The following TNNI3K variants were observed in gnomAD, a reference collection of about 807,000 sequenced individuals.
TNNI3K encodes the protein TNNI3 interacting kinase.
Under a neutral mutation model 114.5 loss-of-function variants are expected in TNNI3K, and 140 were observed. The ratio of observed to expected loss-of-function variants is 1.22; its 90% CI spans 1.07 to 1.41. TNNI3K has a LOEUF of 1.41. Among genes scored for constraint, TNNI3K ranks in the 40% most tolerant of loss-of-function variants. TNNI3K has a pLI of 0.00. For missense variants in TNNI3K, 1,125 were observed against 1,007.6 expected, an observed-to-expected ratio of 1.12 and a Z score of -1.58; for synonymous variants, 347 against 347.5, an observed-to-expected ratio of 1.00 and a Z score of 0.02.
At chr1:74,504,958 C>G (rs903198110) in intron 23 of TNNI3K, among the ~76,000 whole-genome samples, 2 of 152,158 alleles carry the variant, frequency 1.3e-5, no homozygotes, top group Admixed American at 1.3e-4. Flanking sequence ...AGGCAAACTG[C>G]TAAATAAATG....
intron 21 of TNNI3K, chr1:74,480,157 G>T: frequency 1.4e-6 from 1 of 714,708 alleles, no homozygotes; most frequent in South Asian, 1.5e-5. Flanking sequence ...GCATACCTGC[G>T]AAGCCAAGGA....
chr1:74,367,592 A>G (rs1165527043), intron 12 of TNNI3K, among the ~76,000 whole-genome samples: 1 of 151,934 alleles, frequency 6.6e-6, no homozygotes, highest in Non-Finnish European at 1.5e-5. Flanking sequence ...GATGTTTATG[A>G]GGCTTGTGCA....
At chr1:74,506,723 C>A (rs1006399927) in intron 23 of TNNI3K, among the ~76,000 whole-genome samples, 1 of 152,156 alleles carries the variant, frequency 6.6e-6, no homozygotes. Context: ...TATACAGTAA[C>A]CAATCTCTGG....
In TNNI3K at chr1:74,375,790, T is replaced by C. The variant is rs116855468; in HGVS notation, c.1772+5398T>C. The C allele has an allele frequency of 5.5e-4, 190 of 348,530 alleles. 1 individual carries two copies. In the East Asian group the frequency reaches 0.013, roughly 24 times the overall value. The allele number at this position is 348,530 out of a possible 1,614,324, so 21.6% of individuals were successfully genotyped here. A position where few individuals can be genotyped will look rare whatever the true frequency, so the allele number is the denominator to read the frequency against. The stretch of plus-strand genomic sequence containing the variant: ...TTGAGAAGACTGATTTGAGTAATAA[T>C]AACACTCTTCTCTCCTGTACAGCTG... On this transcript the variant is annotated intron_variant, in intron 17 of 24. Coordinates refer to ENST00000326637, the MANE Select transcript of TNNI3K (RefSeq NM_015978.3).
intron 4 of TNNI3K, among the ~76,000 whole-genome samples, chr1:74,257,927 A>C (rs929024848): frequency 6.6e-6 from 1 of 151,990 alleles, no homozygotes; most frequent in Non-Finnish European, 1.5e-5. Flanking sequence ...TCGTCCTCCT[A>C]AAGTGCTGGG....
At chr1:74,501,842 G>A (rs567499518) in intron 23 of TNNI3K, among the ~76,000 whole-genome samples, 1 of 152,114 alleles carries the variant, frequency 6.6e-6, no homozygotes, top group East Asian at 1.9e-4. Flanking sequence ...AAACTAGCTT[G>A]TATGTGGGCT....
At chr1:74,305,567 A>G (rs1000861305) in intron 5 of TNNI3K, among the ~76,000 whole-genome samples, 8 of 152,182 alleles carry the variant, frequency 5.3e-5, no homozygotes, top group Non-Finnish European at 1.0e-4. Context: ...GAAGGGGCAC[A>G]TGACTTTGAG....
intron 17 of TNNI3K, among the ~76,000 whole-genome samples, chr1:74,380,856 G>A (rs1218301087): frequency 1.3e-5 from 2 of 152,104 alleles, no homozygotes; most frequent in African/African-American, 4.8e-5. Flanking sequence ...TGCTTGCTGA[G>A]ATTGATTTGT....
intron 11 of TNNI3K, among the ~76,000 whole-genome samples, chr1:74,362,533 C>G (rs1381831980): frequency 6.6e-6 from 1 of 152,088 alleles, no homozygotes; most frequent in Non-Finnish European, 1.5e-5. Flanking sequence ...AATCAGCTTT[C>G]ATTGTTTTTA....
At chr1:74,252,219 A>C (rs965911164) in intron 4 of TNNI3K, among the ~76,000 whole-genome samples, 1 of 152,102 alleles carries the variant, frequency 6.6e-6, no homozygotes, top group Non-Finnish European at 1.5e-5. Flanking sequence ...TATTTCTTCA[A>C]CCTCTGTTTA....
chr1:74,451,331 C>G (rs745321222), intron 20 of TNNI3K, among the ~76,000 whole-genome samples: 1 of 152,108 alleles, frequency 6.6e-6, no homozygotes, highest in African/African-American at 2.4e-5. Context: ...ATAGGTGCAG[C>G]AAACCATCAT....
rs72969892 is a variant in TNNI3K at position 74,481,022 on chromosome 1, G to A, written c.2122-8167G>A. The stretch of plus-strand genomic sequence containing the variant: ...CAGGGTACACATGAGTGGGAGGGAG[G>A]GGGTATGGTGGAGAGCAGAGAATCA... On this transcript the variant is annotated intron_variant, in intron 21 of 24. Coordinates refer to ENST00000326637, the MANE Select transcript of TNNI3K (RefSeq NM_015978.3). 334 of 651,600 alleles carry A rather than the reference G, an allele frequency of 5.1e-4. 2 individuals are homozygous for A. The highest frequency in any genetic ancestry group is 5.0e-3 in the African/African-American group (276 of 55,576). The allele number at this position is 651,600 out of a possible 1,614,324, so 40.4% of individuals were successfully genotyped here. A position where few individuals can be genotyped will look rare whatever the true frequency, so the allele number is the denominator to read the frequency against.
chr1:74,316,998 C>T lies in TNNI3K; in HGVS notation c.445-14452C>T, dbSNP rs537343206. Among the ~76,000 whole-genome samples the T allele has an allele frequency of 3.3e-5, 5 of 152,092 alleles. No homozygotes were observed. In the South Asian group the frequency reaches 6.2e-4, roughly 19 times the overall value. On this transcript the variant is annotated intron_variant, in intron 5 of 24. Transcript: ENST00000326637. Reference sequence around the variant, plus strand: ...ACAGGCGTAAACCACTGTGCCCAGCCTCCTTCTTTTATTTTTCTCCAGCAC... The same window carrying T: ...ACAGGCGTAAACCACTGTGCCCAGCTTCCTTCTTTTATTTTTCTCCAGCAC...
At chr1:74,356,767 A>G (rs17601905) in intron 11 of TNNI3K, among the ~76,000 whole-genome samples, 15,746 of 152,222 alleles carry the variant, frequency 0.1, 910 homozygotes, top group Non-Finnish European at 0.13. Flanking sequence ...AAGATTTCCT[A>G]TGAAATGTCA....
intron 21 of TNNI3K, chr1:74,475,200 T>C: frequency 1.7e-6 from 1 of 603,028 alleles, no homozygotes; most frequent in Middle Eastern, 2.6e-4. Context: ...TAGTGATTTT[T>C]ATAGTATTTC....
chr1:74,239,025 C>T (rs957121350), intron 2 of TNNI3K, among the ~76,000 whole-genome samples: 2 of 152,078 alleles, frequency 1.3e-5, no homozygotes, highest in Non-Finnish European at 2.9e-5. Context: ...AGTTTGAAAA[C>T]TATACTTCTA....
intron 21 of TNNI3K, chr1:74,471,536 A>G: frequency 1.0e-5 from 4 of 400,666 alleles, no homozygotes; most frequent in Non-Finnish European, 1.8e-5. Context: ...TTCAGAACCC[A>G]TGAATTAGTA....
intron 21 of TNNI3K, chr1:74,472,075 A>G (rs1270222992): frequency 2.0e-5 from 14 of 716,746 alleles, no homozygotes; most frequent in Non-Finnish European, 3.6e-5. Context: ...ATGAGGGTGT[A>G]AGCCATTGTC....
Position 74,342,953 on chromosome 1 carries a change from T to C in TNNI3K, c.794T>C (p.Val265Ala). 6.2e-7 allele frequency: 1 copy of C among 1,613,914 alleles called. No individual in the cohort carries two copies. Among genetic ancestry groups the C allele is most frequent in the Non-Finnish European group, 8.5e-7 (1 of 1,179,900 alleles). ...LQSDLEVQPH[V>A]VNIYGDTPLH... Reference sequence around the variant, plus strand: ...AGTGATTTGGAAGTTCAACCTCATGTTGTTAATATCTATGGAGATACCCCC... The same window carrying C: ...AGTGATTTGGAAGTTCAACCTCATGCTGTTAATATCTATGGAGATACCCCC... Residue 265 changes from valine to alanine, a missense_variant, in exon 8 of 25, where the codon GTT (valine) becomes GCT (alanine). Coordinates refer to ENST00000326637, the MANE Select transcript of TNNI3K (RefSeq NM_015978.3).
Sources: allele counts gnomAD v4.1 joint callset (sites outside exome capture counted in the v4.1 genomes callset), GRCh38; gene constraint gnomAD v4.1.1; transcripts MANE v1.5; gene names NCBI Gene and HGNC (gene_info 2026-07-23, HGNC 2026-07-21).